KCNH2: variants seen among roughly 807,000 people sequenced by gnomAD.
KCNH2 encodes the protein voltage-gated inwardly rectifying potassium channel KCNH2.
Under a neutral mutation model 95.9 loss-of-function variants are expected in KCNH2, and 35 were observed. That is an observed-to-expected ratio of 0.37 (90% confidence interval 0.28 to 0.48). The LOEUF (loss-of-function observed/expected upper bound fraction) is 0.48, where lower values mean the gene tolerates loss of function less well. KCNH2 is among the 20% of genes least tolerant of loss of function. The probability of loss-of-function intolerance (pLI) is 0.99; values close to 1 mark genes in which losing one functional copy is unlikely to be tolerated. For missense variants in KCNH2, 1,274 were observed against 1,702.9 expected (o/e 0.75, Z 4.43); for synonymous variants, 786 against 754.7 (o/e 1.04, Z -0.68).
chr7:150,947,832 C>G lies in KCNH2; in HGVS notation c.2739G>C (p.Ala913=), dbSNP rs776097223. The G allele has an allele frequency of 6.6e-6, 10 of 1,525,506 alleles. No individual in the cohort carries two copies. Among genetic ancestry groups the G allele is most frequent in the South Asian group, 2.4e-5 (2 of 82,226 alleles). The allele number at this position is 1,525,506 out of a possible 1,614,324, so 94.5% of individuals were successfully genotyped here. ...GEVSALGPGR[A]GAGPSSRGRP... is the part of the protein sequence containing the mutation. ...GGCCCCGGCTACTCGGCCCTGCCCC[C>G]GCCCGGCCCGGCCCCAAGGCCGACA... The change falls in exon 12 of 15, where the codon GCG becomes GCC. Residue 913 remains alanine, a synonymous_variant. Coordinates refer to ENST00000262186, the MANE Select transcript of KCNH2 (RefSeq NM_000238.4).
rs756740377 is a variant in KCNH2 at position 150,952,894 on chromosome 7, T to A, written c.1129-41A>T. ...GCGGAGGTGTGGGTGAGGCAGGCCA[T>A]GGGACCTCGGGGGCAGGAGCGATGA... On this transcript the variant is annotated intron_variant, in intron 5 of 14. Coordinates refer to ENST00000262186, the MANE Select transcript of KCNH2 (RefSeq NM_000238.4). The surrounding 1 kb of genome is among the most constrained non-coding windows in gnomAD (Gnocchi z 7.3). 1 of 1,596,952 alleles carries A rather than the reference T, an allele frequency of 6.3e-7. No individual in the cohort carries two copies. Among genetic ancestry groups the A allele is most frequent in the Non-Finnish European group, 8.5e-7 (1 of 1,171,524 alleles).
In KCNH2 at chr7:150,951,061, C is replaced by A. The variant is rs1286224531; in HGVS notation, c.2005G>T (p.Gly669Cys). 3 of 1,613,930 alleles carry A rather than the reference C, an allele frequency of 1.9e-6. No individual in the cohort carries two copies. The highest frequency in any genetic ancestry group is 1.7e-6 in the Non-Finnish European group (2 of 1,179,914). Reference protein sequence around the residue: ...VSAIIQRLYSGTARYHTQMLR... With the variant: ...VSAIIQRLYSCTARYHTQMLR... ...ATCTGTGTGTGGTAGCGGGCTGTGCCCGAGTACAGCCGCTGGATGATGGCC... is the reference window on the plus strand; with the variant it reads ...ATCTGTGTGTGGTAGCGGGCTGTGCACGAGTACAGCCGCTGGATGATGGCC... The change falls in exon 8 of 15, where the codon GGC (glycine) becomes TGC (cysteine). Residue 669 changes from glycine to cysteine, a missense_variant. Gly to Cys is a radical substitution (Grantham distance 159, BLOSUM62 -3). Around this residue, in one of 7 missense-constraint regions of KCNH2, gnomAD observed 159 missense variants for 282.5 expected, o/e 0.56. Coordinates refer to ENST00000262186, the MANE Select transcript of KCNH2 (RefSeq NM_000238.4).
rs1224380265 is a variant in KCNH2, at chr7:150,946,786, G to C, written c.3330+91C>G. On this transcript the variant is annotated intron_variant, in intron 14 of 14. Coordinates refer to ENST00000262186, the MANE Select transcript of KCNH2 (RefSeq NM_000238.4). The surrounding 1 kb of genome is among the most constrained non-coding windows in gnomAD (Gnocchi z 6.5). ...CAAGGTTCAGGGAGGCTGGGCCACAGAGCCCAGCAGAAAGGCAGCAAAGCA... is the reference window on the plus strand; with the variant it reads ...CAAGGTTCAGGGAGGCTGGGCCACACAGCCCAGCAGAAAGGCAGCAAAGCA... 8.1e-7 allele frequency: 1 copy of C among 1,230,584 alleles called. No individual in the cohort carries two copies. Among genetic ancestry groups the C allele is most frequent in the African/African-American group, 1.5e-5 (1 of 67,124 alleles). The allele number at this position is 1,230,584 out of a possible 1,614,324, so 76.2% of individuals were successfully genotyped here.
At chr7:150,949,408 ATTTTTTT>A (rs1035990140) in intron 9 of KCNH2, 104 of 375,686 alleles carry the variant, frequency 2.8e-4, no homozygotes, top group Non-Finnish European at 3.0e-4. Flanking sequence ...CAAAACCAGC[ATTTTTTT>A]TTTTTTTTTT....
intron 5 of KCNH2, chr7:150,955,254 G>T: frequency 1.2e-6 from 1 of 851,760 alleles, no homozygotes; most frequent in South Asian, 1.5e-5. Context: ...AGGCGCGGGT[G>T]AGCAGGGCCA....
intron 2 of KCNH2, among the ~76,000 whole-genome samples, chr7:150,963,232 A>C (rs1457998778): frequency 6.6e-6 from 1 of 152,072 alleles, no homozygotes; most frequent in African/African-American, 2.4e-5. Context: ...AGGAGGGCGG[A>C]GGGGGTGCAA....
At chr7:150,951,939 A>G in intron 6 of KCNH2, 104 bp from the exon 7 acceptor site, 3 of 1,113,824 alleles carry the variant, frequency 2.7e-6, no homozygotes, top group South Asian at 1.6e-5. Context: ...TCAGATCCCC[A>G]AAGACTTCCT....
chr7:150,958,752 G>T (rs189989371), intron 3 of KCNH2, among the ~76,000 whole-genome samples: 1 of 152,056 alleles, frequency 6.6e-6, no homozygotes, highest in South Asian at 2.1e-4. Context: ...CTCTCACACC[G>T]GCCGCTGGGT....
rs201938922 is a variant in KCNH2, at chr7:150,962,682, G to A, written c.308-2946C>T. ...TGACTGCTGGCCCTCTTCCTTTGTC[G>A]AGATTCAAGAAATTTTTCCTTTCAA... On this transcript the variant is annotated intron_variant, in intron 2 of 14. Coordinates refer to ENST00000262186, the MANE Select transcript of KCNH2 (RefSeq NM_000238.4). This position sits in a 1 kb window ranked among gnomAD's most constrained non-coding sequence, Gnocchi z 5.7. Among the ~76,000 whole-genome samples the A allele has an allele frequency of 5.4e-5, 8 of 149,068 alleles. No homozygotes were observed. Among genetic ancestry groups the A allele is most frequent in the South Asian group, 2.1e-4 (1 of 4,712 alleles).
rs1389182893 is a variant in KCNH2, at chr7:150,946,240, T to C, written c.3330+637A>G. On this transcript the variant is annotated intron_variant, in intron 14 of 14. Transcript: ENST00000262186. This position sits in a 1 kb window ranked among gnomAD's most constrained non-coding sequence, Gnocchi z 6.5. ...CGCCATCCTGCAGAGGCCAGGAACATGCAGGTCCACCCAGGAGAGGACAAG... is the reference window on the plus strand; with the variant it reads ...CGCCATCCTGCAGAGGCCAGGAACACGCAGGTCCACCCAGGAGAGGACAAG... Among the ~76,000 whole-genome samples the C allele has an allele frequency of 6.6e-6, 1 of 152,072 alleles. No homozygotes were observed. Among genetic ancestry groups the C allele is most frequent in the African/African-American group, 2.4e-5 (1 of 41,400 alleles).
rs1169211344 is a variant in KCNH2, at chr7:150,951,124, G to C, written c.1946-4C>G. The stretch of plus-strand genomic sequence containing the variant: ...AAGATGCTAGCATACATGAGGGCTG[G>C]GGGCGTGGGCACGTGGGGCCGTCAG... On this transcript the variant is annotated splice_region_variant and splice_polypyrimidine_tract_variant and intron_variant, in intron 7 of 14. Transcript: ENST00000262186. 3.8e-6 allele frequency: 6 copies of C among 1,599,120 alleles called. No individual in the cohort carries two copies. The highest frequency in any genetic ancestry group is 5.1e-6 in the Non-Finnish European group (6 of 1,171,500).
intron 2 of KCNH2, 91 bp downstream of exon 2, chr7:150,974,620 C>T (rs190913987): frequency 2.6e-6 from 2 of 758,658 alleles, no homozygotes; most frequent in Admixed American, 2.5e-5. Context: ...CGCCCCCACA[C>T]CCCCACACCC....
intron 2 of KCNH2, among the ~76,000 whole-genome samples, chr7:150,966,911 C>G (rs1801721530): frequency 6.6e-6 from 1 of 152,152 alleles, no homozygotes; most frequent in South Asian, 2.1e-4. Flanking sequence ...ATCTATAGAA[C>G]CAAACTAATT....
chr7:150,978,114 G>GGAGCCGCCTGAGCGC lies in KCNH2; in HGVS notation c.-216_-202dup, dbSNP rs1802024939. The GGAGCCGCCTGAGCGC allele has an allele frequency of 6.1e-6, 1 of 163,082 alleles. No homozygotes were observed. The highest frequency in any genetic ancestry group is 2.5e-5 in the African/African-American group (1 of 40,814). 10.1% of individuals were successfully genotyped at this position (163,082 alleles called of 1,614,324 possible). ...CCGCTCCGGACCCCGGGCCCGGCCT[G>GGAGCCGCCTGAGCGC]GAGCCGCCTGAGCGCGAGCCGCCCG... On this transcript the variant is annotated 5_prime_UTR_variant, in exon 1 of 15. Transcript: ENST00000262186.
chr7:150,949,293 C>G (rs577630620), intron 9 of KCNH2: 2 of 1,390,416 alleles, frequency 1.4e-6, no homozygotes, highest in East Asian at 5.3e-5. Context: ...GAGACCCAGC[C>G]AGCAGGACTA....
At position 150,955,332 on chromosome 7, in the gene KCNH2, G is replaced by A. The variant is rs574665044; in HGVS notation, c.1128+1959C>T. The A allele has an allele frequency of 1.9e-4, 289 of 1,485,634 alleles. 1 individual carries two copies. The highest frequency in any genetic ancestry group is 2.5e-4 in the Non-Finnish European group (275 of 1,088,128). 92.0% of individuals were successfully genotyped at this position (1,485,634 alleles called of 1,614,324 possible). A position where few individuals can be genotyped will look rare whatever the true frequency, so the allele number is the denominator to read the frequency against. On this transcript the variant is annotated intron_variant, in intron 5 of 14. Transcript: ENST00000262186. ...TCCCCAGCCTGGAGTCAGAGCCCTT[G>A]GGCCAGCCACCTGCCTCAGTGTGCC...
intron 2 of KCNH2, among the ~76,000 whole-genome samples, chr7:150,967,670 G>A: frequency 6.6e-6 from 1 of 152,236 alleles, no homozygotes; most frequent in East Asian, 1.9e-4. Flanking sequence ...ACTGAGAACA[G>A]CAAAACAATT....
intron 2 of KCNH2, among the ~76,000 whole-genome samples, chr7:150,960,371 A>T (rs1451613965): frequency 1.3e-5 from 2 of 152,250 alleles, no homozygotes; most frequent in African/African-American, 4.8e-5. Context: ...AATGTATATA[A>T]TTCTTTTCTC....
chr7:150,969,357 T>C (rs551238328), intron 2 of KCNH2, among the ~76,000 whole-genome samples: 113 of 152,266 alleles, frequency 7.4e-4, no homozygotes, highest in Non-Finnish European at 1.3e-3. Flanking sequence ...ACAATAGAAG[T>C]GCCTTGTGCT....
Sources: allele counts gnomAD v4.1 joint callset (sites outside exome capture counted in the v4.1 genomes callset), GRCh38; gene constraint gnomAD v4.1.1; regional missense constraint gnomAD v4.1.1; non-coding constraint Gnocchi (gnomAD v3.1); transcripts MANE v1.5; gene names NCBI Gene and HGNC (gene_info 2026-07-23, HGNC 2026-07-21).